Variants in GLCCI1 observed in about 807,000 individuals in gnomAD.
GLCCI1 encodes glucocorticoid-induced transcript 1 protein.
A neutral mutation model predicts 52.2 loss-of-function variants in GLCCI1; 24 were observed. That is an observed-to-expected ratio of 0.46 (90% confidence interval 0.33 to 0.65). GLCCI1 has a LOEUF of 0.65. Ranked by LOEUF, GLCCI1 falls within the 30% of genes least tolerant of loss-of-function variation. The pLI is 0.02. For missense variants in GLCCI1, 704 were observed against 701.5 expected (o/e 1.00, Z -0.04); for synonymous variants, 310 against 276.5 (o/e 1.12, Z -1.20).
intron 1 of GLCCI1, among the ~76,000 whole-genome samples, chr7:7,989,246 T>G (rs984311227): frequency 2.0e-5 from 3 of 151,724 alleles, no homozygotes; most frequent in Non-Finnish European, 4.4e-5. Context: ...GTCCACTAGC[T>G]GATGCTATTG....
intron 1 of GLCCI1, among the ~76,000 whole-genome samples, chr7:8,001,972 G>A (rs1430319245): frequency 2.0e-5 from 3 of 152,160 alleles, no homozygotes; most frequent in Non-Finnish European, 4.4e-5. Flanking sequence ...GAGAGGGATA[G>A]CATTAGGAGA....
intron 2 of GLCCI1, among the ~76,000 whole-genome samples, chr7:8,010,701 G>T (rs1465764444): frequency 6.6e-6 from 1 of 152,070 alleles, no homozygotes; most frequent in African/African-American, 2.4e-5. Context: ...AGAAGGACAT[G>T]AATAGTAGCC....
chr7:8,073,401 CT>C (rs1326040257), intron 6 of GLCCI1, among the ~76,000 whole-genome samples: 1 of 151,980 alleles, frequency 6.6e-6, no homozygotes, highest in African/African-American at 2.4e-5. Flanking sequence ...CAGATTAGAC[CT>C]TTTCCTAAGT....
chr7:7,990,554 T>G lies in GLCCI1; in HGVS notation c.458-13354T>G, dbSNP rs1780819735. 2.0e-5 allele frequency among the ~76,000 whole-genome samples: 3 copies of G among 152,128 alleles called. No individual in the cohort carries two copies. The South Asian group carries it at 6.2e-4, about 31-fold the overall frequency. On this transcript the variant is annotated intron_variant, in intron 1 of 7. Coordinates refer to ENST00000223145, the MANE Select transcript of GLCCI1 (RefSeq NM_138426.4). ...GGCAAAACTTCCTGGCAATCTTTTA[T>G]GCACAATATTTGTAGAATTGTTGAG...
Position 8,055,563 on chromosome 7 carries a change from T to C in GLCCI1, c.813+14T>C. 2 of 1,403,242 alleles carry C rather than the reference T, an allele frequency of 1.4e-6. No homozygotes were observed. Among genetic ancestry groups the C allele is most frequent in the Non-Finnish European group, 2.0e-6 (2 of 989,456 alleles). 86.9% of individuals were successfully genotyped at this position (1,403,242 alleles called of 1,614,324 possible). A position where few individuals can be genotyped will look rare whatever the true frequency, so the allele number is the denominator to read the frequency against. ...AGTCACACTCAGGTAGGCTAACTTCTTGTCCAGATTTGAATAATTACTTTT... is the reference window on the plus strand; with the variant it reads ...AGTCACACTCAGGTAGGCTAACTTCCTGTCCAGATTTGAATAATTACTTTT... On this transcript the variant is annotated intron_variant, in intron 4 of 7. Coordinates refer to ENST00000223145, the MANE Select transcript of GLCCI1 (RefSeq NM_138426.4).
At chr7:8,067,917 T>C (rs1354123573) in intron 5 of GLCCI1, among the ~76,000 whole-genome samples, 1 of 152,204 alleles carries the variant, frequency 6.6e-6, no homozygotes, top group Non-Finnish European at 1.5e-5. Context: ...GTGGGGAAGT[T>C]TTCATGGACG....
chr7:7,970,814 A>G (rs1184589017), intron 1 of GLCCI1, among the ~76,000 whole-genome samples: 1 of 152,202 alleles, frequency 6.6e-6, no homozygotes, highest in Non-Finnish European at 1.5e-5. Context: ...TAGATACCGA[A>G]CTAGAGCTAC....
intron 6 of GLCCI1, among the ~76,000 whole-genome samples, chr7:8,072,052 C>CT (rs1046737464): frequency 2.6e-5 from 4 of 152,106 alleles, no homozygotes; most frequent in Admixed American, 2.6e-4. Context: ...GTGTGTGCTC[C>CT]TGAAACCACT....
At chr7:8,069,561 G>A (rs911746241) in intron 5 of GLCCI1, among the ~76,000 whole-genome samples, 6 of 152,140 alleles carry the variant, frequency 3.9e-5, no homozygotes, top group African/African-American at 1.2e-4. Flanking sequence ...CGGGTGAAAG[G>A]TGGGGTGCCG....
chr7:8,051,973 A>G (rs1782267844), intron 3 of GLCCI1, among the ~76,000 whole-genome samples: 1 of 152,150 alleles, frequency 6.6e-6, no homozygotes, highest in African/African-American at 2.4e-5. Flanking sequence ...AATTATAGCT[A>G]TTACTTTTGG....
At chr7:8,005,429 T>C (rs1369015026) in intron 2 of GLCCI1, among the ~76,000 whole-genome samples, 1 of 152,214 alleles carries the variant, frequency 6.6e-6, no homozygotes, top group Non-Finnish European at 1.5e-5. Flanking sequence ...ATTAACTGTG[T>C]ACCGTGTACT....
At chr7:8,029,361 A>G (rs913653571) in intron 3 of GLCCI1, among the ~76,000 whole-genome samples, 1 of 152,226 alleles carries the variant, frequency 6.6e-6, no homozygotes, top group African/African-American at 2.4e-5. Flanking sequence ...GATCATTTCA[A>G]TTGATGCTGA....
rs138213171 is a variant in GLCCI1 at position 8,087,539 on chromosome 7, A to G, written c.*1001A>G. 1.4e-4 allele frequency: 21 copies of G among 152,680 alleles called. No homozygotes were observed. The East Asian group carries it at 3.9e-3, about 28-fold the overall frequency. The allele number at this position is 152,680 out of a possible 1,614,324, so 9.5% of individuals were successfully genotyped here. A position where few individuals can be genotyped will look rare whatever the true frequency, so the allele number is the denominator to read the frequency against. ...CGGAATGGTTGAGATTTTTTTGTTT[A>G]TGTTAGCCATCAGGGTCATAACTGT... On this transcript the variant is annotated 3_prime_UTR_variant, in exon 8 of 8. Transcript: ENST00000223145.
At chr7:8,035,078 G>C (rs1416547721) in intron 3 of GLCCI1, among the ~76,000 whole-genome samples, 2 of 152,144 alleles carry the variant, frequency 1.3e-5, no homozygotes, top group Admixed American at 1.3e-4. Flanking sequence ...ATCCCATACA[G>C]ACATTCCCTG....
chr7:8,018,025 C>G (rs753445215), intron 2 of GLCCI1, among the ~76,000 whole-genome samples: 34 of 152,034 alleles, frequency 2.2e-4, no homozygotes, highest in Non-Finnish European at 2.6e-4. Context: ...CTATTCTAAA[C>G]TTTTTTATAA....
chr7:8,019,465 A>G (rs539254313), intron 2 of GLCCI1, among the ~76,000 whole-genome samples: 4 of 152,328 alleles, frequency 2.6e-5, no homozygotes, highest in African/African-American at 7.2e-5. Flanking sequence ...TGGAAAGTTA[A>G]TACTATGATG....
chr7:8,087,430 G>A lies in GLCCI1; in HGVS notation c.*892G>A, dbSNP rs1783140005. The A allele has an allele frequency of 6.5e-6, 1 of 152,754 alleles. No individual in the cohort carries two copies. 9.5% of individuals were successfully genotyped at this position (152,754 alleles called of 1,614,324 possible). A position where few individuals can be genotyped will look rare whatever the true frequency, so the allele number is the denominator to read the frequency against. ...CAAATAAAGTGTTCAGTACTGGACTGTACATAAACATTCCACATTGTGTGT... is the reference window on the plus strand; with the variant it reads ...CAAATAAAGTGTTCAGTACTGGACTATACATAAACATTCCACATTGTGTGT... On this transcript the variant is annotated 3_prime_UTR_variant, in exon 8 of 8. Transcript: ENST00000223145.
intron 5 of GLCCI1, among the ~76,000 whole-genome samples, chr7:8,065,407 G>C (rs985148218): frequency 6.6e-6 from 1 of 152,024 alleles, no homozygotes; most frequent in Admixed American, 6.6e-5. Context: ...TCTTTCTCTT[G>C]CCTCATTGCT....
chr7:8,088,245 TG>T lies in GLCCI1; in HGVS notation c.*1708del. 2.2e-5 allele frequency: 1 copy of T among 44,858 alleles called. No individual in the cohort carries two copies. Among genetic ancestry groups the T allele is most frequent in the Non-Finnish European group, 6.1e-5 (1 of 16,528 alleles). 2.8% of individuals were successfully genotyped at this position (44,858 alleles called of 1,614,324 possible). ...TGATATATATATGTATATGTTTGTGTGTGTGTGTGTGTGTGTGTGTGTGTGT... is the reference window on the plus strand; with the variant it reads ...TGATATATATATGTATATGTTTGTGTTGTGTGTGTGTGTGTGTGTGTGTGT... On this transcript the variant is annotated 3_prime_UTR_variant, in exon 8 of 8. Coordinates refer to ENST00000223145, the MANE Select transcript of GLCCI1 (RefSeq NM_138426.4).
Sources: gnomAD v4.1 joint callset for allele counts (sites outside exome capture counted in the v4.1 genomes callset) on GRCh38, gnomAD v4.1.1 for gene constraint, MANE v1.5 for transcripts, NCBI Gene and HGNC (gene_info 2026-07-23, HGNC 2026-07-21) for gene names.